Variants in ALAS2 observed in about 807,000 individuals in gnomAD.
ALAS2 encodes 5-aminolevulinate synthase, erythroid-specific, mitochondrial.
Under a neutral mutation model 33.7 loss-of-function variants are expected in ALAS2, and 3 were observed. That is an observed-to-expected ratio of 0.09 (90% CI 0.04 to 0.23). The LOEUF is 0.23. ALAS2 is among the 10% of genes least tolerant of loss of function. The pLI, the probability that ALAS2 is intolerant of heterozygous loss-of-function variation, is 1.00. For missense variants in ALAS2, 304 were observed against 475.1 expected, an observed-to-expected ratio of 0.64 and a Z score of 3.35; for synonymous variants, 191 against 177.3, an observed-to-expected ratio of 1.08 and a Z score of -0.61.
intron 1 of ALAS2, chrX:55,027,608 G>T: frequency 3.5e-6 from 2 of 569,589 alleles, no homozygotes; most frequent in East Asian, 3.4e-5. Context: ...CTGACACTGT[G>T]AAGAAAGTTA....
intron 7 of ALAS2, among the ~76,000 whole-genome samples, chrX:55,016,325 C>T (rs1157418036): frequency 9.0e-6 from 1 of 111,451 alleles, no homozygotes; most frequent in Non-Finnish European, 1.9e-5. Context: ...GATAGTTTTA[C>T]TTTATTGCTA....
chrX:55,030,919 G>A (rs1410438322), intron 1 of ALAS2, 23 bp downstream of exon 1: 1 of 341,668 alleles, frequency 2.9e-6, no homozygotes, highest in Non-Finnish European at 5.9e-6. Flanking sequence ...GAGATAGGGT[G>A]CCAGGCTGAA....
At chrX:55,015,781 C>T (rs756279563) in intron 7 of ALAS2, 39 bp from the exon 8 acceptor site, 11 of 1,194,011 alleles carry the variant, frequency 9.2e-6, no homozygotes, top group South Asian at 5.4e-5. Context: ...ACATCATAAC[C>T]CTTCCCCAGC....
chrX:55,015,818 A>G, intron 7 of ALAS2, 76 bp from the exon 8 acceptor site: 5 of 1,118,636 alleles, frequency 4.5e-6, no homozygotes, highest in Non-Finnish European at 6.1e-6. Flanking sequence ...AATTTCCCAT[A>G]CATGCCTACT....
rs751758140 is a variant in ALAS2 at position 55,014,883 on chromosome X, G to A, written c.1301C>T (p.Ser434Phe). Residue 434 changes from serine to phenylalanine, a missense_variant, in exon 9 of 11, where the codon TCT becomes TTT. Coordinates refer to ENST00000650242, the MANE Select transcript of ALAS2 (RefSeq NM_000032.5). ...CTCCTCTCCCTTGAGCAGCCGCACAGATTCTAGAGCTCCAGAGAGCACCAT... is the reference window on the plus strand; with the variant it reads ...CTCCTCTCCCTTGAGCAGCCGCACAAATTCTAGAGCTCCAGAGAGCACCAT... ...PPMVLSGALE[S>F]VRLLKGEEGQ... 8.3e-7 allele frequency: 1 copy of A among 1,206,916 alleles called. No homozygotes were observed. The highest frequency in any genetic ancestry group is 1.7e-5 in the African/African-American group (1 of 57,373).
At chrX:55,026,951 G>A (rs1935902251) in intron 1 of ALAS2, among the ~76,000 whole-genome samples, 1 of 110,998 alleles carries the variant, frequency 9.0e-6, no homozygotes, top group African/African-American at 3.3e-5. Context: ...AGAGAACAAA[G>A]ATGTGGTGGT....
At chrX:55,027,801 C>G (rs368071543) in intron 1 of ALAS2, 23 of 1,211,398 alleles carry the variant, frequency 1.9e-5, no homozygotes, top group Non-Finnish European at 2.3e-5. Flanking sequence ...ACCTCTCCCC[C>G]TCTCATGGGC....
At chrX:55,014,529 T>A (rs1935666292) in intron 9 of ALAS2, among the ~76,000 whole-genome samples, 1 of 112,417 alleles carries the variant, frequency 8.9e-6, no homozygotes, top group Non-Finnish European at 1.9e-5. Flanking sequence ...AGGGTTAGGA[T>A]AATCTAATAA....
At chrX:55,012,544 T>A (rs1935619643) in intron 10 of ALAS2, among the ~76,000 whole-genome samples, 1 of 112,224 alleles carries the variant, frequency 8.9e-6, no homozygotes, top group African/African-American at 3.2e-5. Flanking sequence ...ATCCCAGCAC[T>A]TTGGGAGGCC....
chrX:55,020,264 C>T (rs910949573), intron 6 of ALAS2, 56 bp downstream of exon 6: 1 of 1,122,335 alleles, frequency 8.9e-7, no homozygotes, highest in African/African-American at 1.8e-5. Flanking sequence ...ACCAGTGAAA[C>T]TGGATGCTGT....
intron 6 of ALAS2, among the ~76,000 whole-genome samples, chrX:55,018,345 A>G (rs1457143927): frequency 9.0e-6 from 1 of 111,465 alleles, no homozygotes; most frequent in East Asian, 2.8e-4. Flanking sequence ...AACCCCTGCC[A>G]CCAACTGCAC....
intron 10 of ALAS2, among the ~76,000 whole-genome samples, chrX:55,012,006 T>C (rs751691461): frequency 8.9e-6 from 1 of 111,951 alleles, no homozygotes; most frequent in African/African-American, 3.2e-5. Context: ...GTTGTGGGGA[T>C]TAGATGAGTT....
intron 4 of ALAS2, among the ~76,000 whole-genome samples, chrX:55,021,950 T>C (rs1935812425): frequency 8.9e-6 from 1 of 112,004 alleles, no homozygotes; most frequent in South Asian, 3.7e-4. Flanking sequence ...ACAACAATGC[T>C]CCATGGACAG....
chrX:55,011,525 T>C (rs1490463075), intron 10 of ALAS2, among the ~76,000 whole-genome samples: 1 of 110,874 alleles, frequency 9.0e-6, no homozygotes, highest in Non-Finnish European at 1.9e-5. Context: ...CGAGAAAGGA[T>C]TTGAGAGGAG....
chrX:55,026,777 C>A (rs1368956260), intron 1 of ALAS2, among the ~76,000 whole-genome samples: 1 of 111,820 alleles, frequency 8.9e-6, no homozygotes, highest in African/African-American at 3.3e-5. Context: ...GCAAAGAGAT[C>A]AGAAAAAGAG....
At chrX:55,026,947 C>A (rs1935902172) in intron 1 of ALAS2, among the ~76,000 whole-genome samples, 1 of 109,284 alleles carries the variant, frequency 9.2e-6, no homozygotes, top group Admixed American at 9.8e-5. Flanking sequence ...AGAGAGAGAA[C>A]AAAGATGTGG....
chrX:55,011,883 C>G (rs1443358369), intron 10 of ALAS2, among the ~76,000 whole-genome samples: 3 of 111,327 alleles, frequency 2.7e-5, no homozygotes, highest in Admixed American at 9.5e-5. Context: ...GACAGACCTC[C>G]CAGTTGCAAC....
intron 7 of ALAS2, among the ~76,000 whole-genome samples, chrX:55,017,104 C>G (rs988075760): frequency 2.7e-5 from 3 of 111,892 alleles, no homozygotes; most frequent in African/African-American, 9.8e-5. Context: ...TGTTAGGGTG[C>G]AGATACTCAC....
At chrX:55,029,346 GC>G (rs1212639712) in intron 1 of ALAS2, among the ~76,000 whole-genome samples, 1 of 111,587 alleles carries the variant, frequency 9.0e-6, no homozygotes, top group African/African-American at 3.3e-5. Flanking sequence ...CACTTACAGA[GC>G]CCTCTGTGCC....
Sources: allele counts gnomAD v4.1 joint callset (sites outside exome capture counted in the v4.1 genomes callset), GRCh38; gene constraint gnomAD v4.1.1; transcripts MANE v1.5; gene names NCBI Gene and HGNC (gene_info 2026-07-23, HGNC 2026-07-21).